Variants in PHF21B observed in about 807,000 individuals in gnomAD.
PHF21B encodes the protein PHD finger protein 4.
PHF21B carries 22 observed loss-of-function variants against 62.2 expected under a neutral mutation model. That is an observed-to-expected ratio of 0.35 (90% confidence interval 0.25 to 0.51). The LOEUF is 0.51. Ranked by LOEUF, PHF21B falls within the 20% of genes least tolerant of loss-of-function variation. The pLI, the probability that PHF21B is intolerant of heterozygous loss-of-function variation, is 0.97. For missense variants in PHF21B, 701 were observed against 707.9 expected, an observed-to-expected ratio of 0.99 and a Z score of 0.11; for synonymous variants, 341 against 314.7, an observed-to-expected ratio of 1.08 and a Z score of -0.88.
chr22:44,990,915 G>A (rs959711446), intron 2 of PHF21B, among the ~76,000 whole-genome samples: 2 of 152,166 alleles, frequency 1.3e-5, no homozygotes, highest in Admixed American at 6.5e-5. Flanking sequence ...GGCAGGAGTC[G>A]CTAACTGCGT....
chr22:44,941,197 CCAACACCCAGAGGAAGATTCCCAGTCAG>C (rs891213351), intron 2 of PHF21B, among the ~76,000 whole-genome samples: 3 of 152,164 alleles, frequency 2.0e-5, no homozygotes, highest in African/African-American at 4.8e-5. Flanking sequence ...TACCAGTCAG[CCAACACCCAGAGGAAGATTCCCAGTCAG>C]CAACACCCAG....
chr22:44,987,765 C>CCTCT (rs67730231), intron 2 of PHF21B, among the ~76,000 whole-genome samples: 2 of 146,710 alleles, frequency 1.4e-5, no homozygotes, highest in African/African-American at 5.1e-5. Flanking sequence ...TCTCTCGTCT[C>CCTCT]CTCTCTCTCT....
chr22:44,937,540 A>G (rs911889050), intron 2 of PHF21B, among the ~76,000 whole-genome samples: 11 of 152,248 alleles, frequency 7.2e-5, no homozygotes, highest in African/African-American at 2.7e-4. Flanking sequence ...AAAACTAAAC[A>G]CACACCTGTG....
intron 2 of PHF21B, among the ~76,000 whole-genome samples, chr22:44,972,659 G>T (rs566009863): frequency 6.6e-6 from 1 of 152,346 alleles, no homozygotes; most frequent in African/African-American, 2.4e-5. Flanking sequence ...AGCGGACATC[G>T]TGTGGGTCCT....
chr22:44,889,925 G>T (rs5765074), intron 8 of PHF21B, 143 bp from the exon 9 acceptor site: 55 of 793,156 alleles, frequency 6.9e-5, no homozygotes, highest in South Asian at 2.6e-4. Context: ...ATGATACCTG[G>T]GCTCTCACCC....
intron 2 of PHF21B, among the ~76,000 whole-genome samples, chr22:44,923,315 A>G (rs1437271169): frequency 6.9e-6 from 1 of 144,840 alleles, no homozygotes; most frequent in African/African-American, 2.6e-5. Flanking sequence ...ACTTCAGTCC[A>G]TACCACATAC....
intron 2 of PHF21B, among the ~76,000 whole-genome samples, chr22:44,930,040 G>T (rs1354669890): frequency 6.6e-6 from 1 of 152,238 alleles, no homozygotes; most frequent in African/African-American, 2.4e-5. Flanking sequence ...CTTCCCAGCA[G>T]CCAGAGGGAA....
At chr22:44,977,082 T>G (rs1231265609) in intron 2 of PHF21B, among the ~76,000 whole-genome samples, 1 of 151,784 alleles carries the variant, frequency 6.6e-6, no homozygotes, top group Non-Finnish European at 1.5e-5. Context: ...ATCATGTCAC[T>G]GCACTCCAGC....
At chr22:45,006,337 GA>G (rs1240572935) in intron 2 of PHF21B, among the ~76,000 whole-genome samples, 7 of 152,104 alleles carry the variant, frequency 4.6e-5, no homozygotes, top group Non-Finnish European at 4.4e-5. Context: ...AAAGGCCGGA[GA>G]AAAAAAGTTT....
Position 44,888,517 on chromosome 22 carries a change from G to T in PHF21B, c.1039-396C>A, listed in dbSNP as rs549342971. ...GTGTTGCACCAGAGGTCCATGTGCT[G>T]GGAGTGGGACCAGTGATGAATGCAG... On this transcript the variant is annotated intron_variant, in intron 9 of 12. Coordinates refer to ENST00000313237, the MANE Select transcript of PHF21B (RefSeq NM_138415.5). Among the ~76,000 whole-genome samples the T allele has an allele frequency of 3.0e-3, 451 of 152,288 alleles. 3 individuals are homozygous for T. Among genetic ancestry groups the T allele is most frequent in the African/African-American group, 0.011 (444 of 41,546 alleles).
chr22:44,906,377 G>C (rs1053562269), intron 5 of PHF21B, among the ~76,000 whole-genome samples: 2 of 152,226 alleles, frequency 1.3e-5, no homozygotes, highest in African/African-American at 4.8e-5. Context: ...GACGGGCCAG[G>C]GTCCACTGCA....
intron 5 of PHF21B, among the ~76,000 whole-genome samples, chr22:44,897,230 A>G (rs1458821127): frequency 6.6e-6 from 1 of 151,926 alleles, no homozygotes; most frequent in Non-Finnish European, 1.5e-5. Context: ...AGAGCTCACT[A>G]GGGCATTTTT....
chr22:44,984,089 TC>T (rs1751682974), intron 2 of PHF21B, among the ~76,000 whole-genome samples: 2 of 38,772 alleles, frequency 5.2e-5, no homozygotes, highest in South Asian at 8.2e-4. Context: ...ACCATCACCA[TC>T]ATCATCACCA....
chr22:44,883,515 A>C lies in PHF21B; in HGVS notation c.1378-211T>G, dbSNP rs967178059. ...TGCTCGCTTTGGAACTTAGGGCTAG[A>C]AAAAGTGTGGCTCTGCCTGGGAACG... On this transcript the variant is annotated intron_variant, in intron 12 of 12. Coordinates refer to ENST00000313237, the MANE Select transcript of PHF21B (RefSeq NM_138415.5). Among the ~76,000 whole-genome samples the C allele has an allele frequency of 3.3e-5, 5 of 152,284 alleles. No individual in the cohort carries two copies. The East Asian group carries it at 9.7e-4, about 29-fold the overall frequency.
At chr22:44,965,436 C>T (rs2072506551) in intron 2 of PHF21B, among the ~76,000 whole-genome samples, 1 of 152,034 alleles carries the variant, frequency 6.6e-6, no homozygotes, top group South Asian at 2.1e-4. Context: ...CACCCTGCCC[C>T]ACCCTCCCTA....
intron 2 of PHF21B, among the ~76,000 whole-genome samples, chr22:44,990,193 G>A (rs948639579): frequency 6.6e-6 from 1 of 152,182 alleles, no homozygotes. Flanking sequence ...ATGGAACACG[G>A]TCACCCCTGG....
rs2071095604 is a variant in PHF21B at position 44,898,333 on chromosome 22, CACA to C, written c.832-2253_832-2251del. 4.9e-5 allele frequency among the ~76,000 whole-genome samples: 5 copies of C among 102,816 alleles called. No individual in the cohort carries two copies. In the Admixed American group the frequency reaches 5.5e-4, roughly 11 times the overall value. 67.5% of individuals were successfully genotyped at this position (102,816 alleles called of 152,430 possible). A position where few individuals can be genotyped will look rare whatever the true frequency, so the allele number is the denominator to read the frequency against. On this transcript the variant is annotated intron_variant, in intron 5 of 12. Transcript: ENST00000313237. ...TGGGGGAGGAAGACCACAGAGGTAA[CACA>C]CCTTCTCATCACATCGCAGCAAGGG...
intron 2 of PHF21B, among the ~76,000 whole-genome samples, chr22:44,991,012 G>A (rs538785300): frequency 1.6e-4 from 24 of 152,328 alleles, no homozygotes; most frequent in African/African-American, 5.5e-4. Context: ...CCAGGCCTGC[G>A]AGGCGGGAAT....
intron 2 of PHF21B, chr22:44,969,087 G>A (rs916916790): frequency 2.0e-5 from 3 of 152,240 alleles, no homozygotes; most frequent in Non-Finnish European, 2.9e-5. Context: ...CTCTGCAGGC[G>A]TCACTGCTTC....
Sources: gnomAD v4.1 joint callset for allele counts (sites outside exome capture counted in the v4.1 genomes callset) on GRCh38, gnomAD v4.1.1 for gene constraint, MANE v1.5 for transcripts, NCBI Gene and HGNC (gene_info 2026-07-23, HGNC 2026-07-21) for gene names.